Variants in SHD observed in about 807,000 individuals in gnomAD.
The protein encoded by SHD is Src homology 2 domain containing transforming protein D.
SHD carries 29 observed loss-of-function variants against 31.2 expected under a neutral mutation model. The observed-to-expected ratio is 0.93, with a 90% CI of 0.69 to 1.27. The LOEUF is 1.27. SHD is among the 50% of genes most tolerant of loss of function. The pLI is 0.00. For synonymous variants in SHD, 208 were observed against 187.8 expected (o/e 1.11, Z -0.88); for missense variants, 520 against 453.8 (o/e 1.15, Z -1.33).
intron 3 of SHD, among the ~76,000 whole-genome samples, 197 bp downstream of exon 3, chr19:4,283,439 C>T (rs918021447): frequency 2.6e-5 from 4 of 152,122 alleles, no homozygotes; most frequent in South Asian, 2.1e-4. Flanking sequence ...TCCTTGGAAA[C>T]GCAAACACTT....
intron 4 of SHD, among the ~76,000 whole-genome samples, chr19:4,286,252 TTTC>T (rs1379742345): frequency 7.4e-6 from 1 of 135,414 alleles, no homozygotes. Context: ...TCTTTCTTTC[TTTC>T]TTTCTCTCTT....
rs200099205 is a variant in SHD, at chr19:4,288,270, G to T, written c.744G>T (p.Ala248=). ...QPWFHGPLNR[A]DAESLLSLCK... ...GGTTTCATGGCCCCCTGAACAGGGC[G>T]GATGCAGAGAGCCTCCTGTCCCTCT... The change falls in exon 5 of 6, where the codon GCG becomes GCT. Residue 248 remains alanine (A), a synonymous_variant. Transcript: ENST00000543264. 5 of 1,613,660 alleles carry T rather than the reference G, an allele frequency of 3.1e-6. No individual in the cohort carries two copies. The highest frequency in any genetic ancestry group is 1.7e-5 in the Admixed American group (1 of 59,942).
chr19:4,282,609 G>A (rs1370296933), intron 1 of SHD, among the ~76,000 whole-genome samples: 2 of 151,424 alleles, frequency 1.3e-5, no homozygotes, highest in African/African-American at 2.4e-5. Context: ...CCAGCTACTC[G>A]GGAGGCTGAG....
At chr19:4,282,560 C>T (rs1971266713) in intron 1 of SHD, among the ~76,000 whole-genome samples, 1 of 151,826 alleles carries the variant, frequency 6.6e-6, no homozygotes, top group African/African-American at 2.4e-5. Context: ...CCCATCTCTA[C>T]AAAAAGTTAG....
Position 4,290,666 on chromosome 19 carries a change from GC to G in SHD, c.*36del. ...CCTCGGCCCCCTTTTGAGTCCTCGG[GC>G]CCAGAATCGTATCCCAAAGCCCTCC... On this transcript the variant is annotated 3_prime_UTR_variant, in exon 6 of 6. Coordinates refer to ENST00000543264, the MANE Select transcript of SHD (RefSeq NM_020209.4). 6.5e-7 allele frequency: 1 copy of G among 1,547,198 alleles called. No homozygotes were observed. Among genetic ancestry groups the G allele is most frequent in the Non-Finnish European group, 8.7e-7 (1 of 1,145,088 alleles).
At chr19:4,286,972 T>C (rs1971326246) in intron 4 of SHD, among the ~76,000 whole-genome samples, 1 of 151,648 alleles carries the variant, frequency 6.6e-6, no homozygotes, top group African/African-American at 2.4e-5. Flanking sequence ...GCGGATAACC[T>C]GAGGTCAAGA....
intron 5 of SHD, 50 bp from the exon 6 acceptor site, chr19:4,290,397 T>C (rs764231197): frequency 6.4e-7 from 1 of 1,558,264 alleles, no homozygotes; most frequent in Non-Finnish European, 8.7e-7. Context: ...ATGGTGCCTT[T>C]CTGGGTGGGT....
chr19:4,283,301 G>A, intron 3 of SHD, 59 bp downstream of exon 3: 1 of 1,521,592 alleles, frequency 6.6e-7, no homozygotes, highest in Admixed American at 1.9e-5. Context: ...TTCCTCATCT[G>A]GTCATGTCTC....
At chr19:4,287,890 TTTTGTTTG>T (rs141164986) in intron 4 of SHD, among the ~76,000 whole-genome samples, 26,253 of 139,444 alleles carry the variant, frequency 0.19, 2,379 homozygotes, top group South Asian at 0.29. Flanking sequence ...GAGTGTGTTT[TTTTGTTTG>T]TTTGTTTGTT....
At chr19:4,288,148 G>T in intron 4 of SHD, 95 bp from the exon 5 acceptor site, 1 of 1,403,072 alleles carries the variant, frequency 7.1e-7, no homozygotes, top group Non-Finnish European at 9.6e-7. Flanking sequence ...CAGGCAATCC[G>T]CCCGCGTCAG....
chr19:4,285,158 C>G (rs1316651610), intron 4 of SHD, among the ~76,000 whole-genome samples: 1 of 152,310 alleles, frequency 6.6e-6, no homozygotes, highest in Non-Finnish European at 1.5e-5. Context: ...TCCTGCTCTC[C>G]TCTCCTGGCT....
At chr19:4,281,853 C>G (rs1185047196) in intron 1 of SHD, among the ~76,000 whole-genome samples, 3 of 152,150 alleles carry the variant, frequency 2.0e-5, no homozygotes, top group Non-Finnish European at 4.4e-5. Flanking sequence ...TCTTACTTAC[C>G]AGCTGTGTGT....
At chr19:4,285,436 C>T (rs1046248575) in intron 4 of SHD, among the ~76,000 whole-genome samples, 5 of 152,146 alleles carry the variant, frequency 3.3e-5, no homozygotes, top group African/African-American at 1.2e-4. Context: ...CCCAAGTCCC[C>T]AGAATCCAGA....
At position 4,279,957 on chromosome 19, in the gene SHD, C is replaced by T. The variant is rs1971238981; in HGVS notation, c.-107C>T. 2.3e-6 allele frequency: 3 copies of T among 1,329,610 alleles called. No individual in the cohort carries two copies. The highest frequency in any genetic ancestry group is 1.5e-5 in the African/African-American group (1 of 67,232). The allele number at this position is 1,329,610 out of a possible 1,614,324, so 82.4% of individuals were successfully genotyped here. A position where few individuals can be genotyped will look rare whatever the true frequency, so the allele number is the denominator to read the frequency against. ...ACCTGATCTTTCTCATCCTTCCCTG[C>T]TCTTCCCTTCCTCTCCACCTCCTCC... On this transcript the variant is annotated 5_prime_UTR_variant, in exon 1 of 6. Coordinates refer to ENST00000543264, the MANE Select transcript of SHD (RefSeq NM_020209.4). This position sits in a 1 kb window ranked among gnomAD's most constrained non-coding sequence, Gnocchi z 7.5.
At chr19:4,290,410 G>A (rs370606493) in intron 5 of SHD, 37 bp from the exon 6 acceptor site, 324 of 1,585,458 alleles carry the variant, frequency 2.0e-4, no homozygotes, top group Non-Finnish European at 8.3e-5. Flanking sequence ...GGGTGGGTCC[G>A]GGATGCTCAG....
In SHD at chr19:4,283,135, GGCAGAAGCCTC is replaced by G; in HGVS notation, c.487_497del (p.Gln163AlafsTer9). ...GAGACAGCAGATGGACCCCCTTCTG[GGCAGAAGCCTC>G]GGCAGAGCCGGATGCCCCAGGAAGA... is the stretch of plus-strand genomic sequence containing the variant. On this transcript the variant is annotated frameshift_variant, in exon 3 of 6. Coordinates refer to ENST00000543264, the MANE Select transcript of SHD (RefSeq NM_020209.4). LOFTEE classifies it high-confidence loss of function. 2 of 1,614,096 alleles carry G rather than the reference GGCAGAAGCCTC, an allele frequency of 1.2e-6. No homozygotes were observed. Among genetic ancestry groups the G allele is most frequent in the Non-Finnish European group, 1.7e-6 (2 of 1,180,022 alleles).
intron 5 of SHD, among the ~76,000 whole-genome samples, chr19:4,290,085 A>C (rs1047555395): frequency 6.6e-6 from 1 of 150,772 alleles, no homozygotes. Context: ...CATGTTGGCC[A>C]GGCTGGTCTC....
chr19:4,280,169 G>A lies in SHD; in HGVS notation c.106G>A (p.Ala36Thr). ...TESDILRAYR[A>T]QKNLDFEDPY... ...GAGCGACATCCTGAGGGCCTACCGC[G>A]CGCAGAAGAACCTGGACTTCGAGGA... Residue 36 changes from alanine to threonine, a missense_variant, in exon 1 of 6, where the codon GCG (alanine) becomes ACG (threonine). Ala to Thr is a moderately conservative substitution (Grantham distance 58). Coordinates refer to ENST00000543264, the MANE Select transcript of SHD (RefSeq NM_020209.4). 1.2e-6 allele frequency: 2 copies of A among 1,613,814 alleles called. No individual in the cohort carries two copies. Among genetic ancestry groups the A allele is most frequent in the Non-Finnish European group, 1.7e-6 (2 of 1,179,972 alleles).
Position 4,288,173 on chromosome 19 carries a change from G to C in SHD, c.717-70G>C. On this transcript the variant is annotated intron_variant, in intron 4 of 5. Coordinates refer to ENST00000543264, the MANE Select transcript of SHD (RefSeq NM_020209.4). ...GCCCGCGTCAGCCTCCCAAAGTGCT[G>C]GGATTACAGGGCCCCAGAGTGTGTT... 2.0e-6 allele frequency: 3 copies of C among 1,520,046 alleles called. No homozygotes were observed. In the Admixed American group the frequency reaches 5.7e-5, roughly 29 times the overall value. 94.2% of individuals were successfully genotyped at this position (1,520,046 alleles called of 1,614,324 possible).
Sources: allele counts gnomAD v4.1 joint callset (sites outside exome capture counted in the v4.1 genomes callset), GRCh38; gene constraint gnomAD v4.1.1; non-coding constraint Gnocchi (gnomAD v3.1); transcripts MANE v1.5; gene names NCBI Gene and HGNC (gene_info 2026-07-23, HGNC 2026-07-21).